XRCC5: variants seen among roughly 807,000 people sequenced by gnomAD.
XRCC5 encodes X-ray repair cross complementing 5.
A neutral mutation model predicts 95.7 loss-of-function variants in XRCC5; 12 were observed. The ratio of observed to expected loss-of-function variants is 0.13; its 90% confidence interval spans 0.08 to 0.20. The LOEUF (loss-of-function observed/expected upper bound fraction) is 0.20, where lower values mean the gene tolerates loss of function less well. Ranked by LOEUF, XRCC5 falls within the 10% of genes least tolerant of loss-of-function variation. XRCC5 has a pLI of 1.00. For synonymous variants in XRCC5, 281 were observed against 290.3 expected (o/e 0.97, Z 0.33); for missense variants, 595 against 873.9 (o/e 0.68, Z 4.02).
intron 13 of XRCC5, among the ~76,000 whole-genome samples, chr2:216,144,560 G>C (rs1283168939): frequency 1.3e-5 from 2 of 152,178 alleles, no homozygotes; most frequent in African/African-American, 4.8e-5. Flanking sequence ...AAGATAACAG[G>C]ATCCTAGCTT....
At chr2:216,128,755 A>G (rs828702) in intron 8 of XRCC5, among the ~76,000 whole-genome samples, 78,783 of 152,004 alleles carry the variant, frequency 0.52, 20,875 homozygotes, top group Non-Finnish European at 0.56. Flanking sequence ...CTTGAGGGTA[A>G]CATCTAATGG....
intron 16 of XRCC5, among the ~76,000 whole-genome samples, chr2:216,177,127 G>T (rs575024395): frequency 7.2e-5 from 11 of 152,264 alleles, no homozygotes; most frequent in African/African-American, 2.6e-4. Context: ...AGTCTGTTCT[G>T]CCAGTTGTTC....
Position 216,113,140 on chromosome 2 carries a change from G to T in XRCC5, c.135+11G>T, listed in dbSNP as rs776552591. ...TTTGTACAGCGACAGGTAAGTTTCA[G>T]ATTGACACTGAGCTTGTAACCCATG... On this transcript the variant is annotated intron_variant, in intron 2 of 20. Transcript: ENST00000392132. 6.2e-7 allele frequency: 1 copy of T among 1,605,140 alleles called. No homozygotes were observed. The highest frequency in any genetic ancestry group is 1.1e-5 in the South Asian group (1 of 90,758).
At chr2:216,194,371 T>G (rs7587831) in intron 18 of XRCC5, among the ~76,000 whole-genome samples, 31,648 of 152,164 alleles carry the variant, frequency 0.21, 4,769 homozygotes, top group African/African-American at 0.43. Flanking sequence ...TTATAAGACT[T>G]AGTGTCTGCC....
At chr2:216,164,439 C>G (rs897862116) in intron 16 of XRCC5, among the ~76,000 whole-genome samples, 13 of 152,248 alleles carry the variant, frequency 8.5e-5, no homozygotes, top group African/African-American at 3.1e-4. Context: ...ATTAGCAGTT[C>G]TGCAAAATCT....
At chr2:216,138,504 C>CCTGT (rs1157406160) in intron 12 of XRCC5, among the ~76,000 whole-genome samples, 1 of 152,192 alleles carries the variant, frequency 6.6e-6, no homozygotes, top group African/African-American at 2.4e-5. Flanking sequence ...CAGTATCAAA[C>CCTGT]CTGTGACTTT....
chr2:216,169,696 T>A (rs1689119244), intron 16 of XRCC5, among the ~76,000 whole-genome samples: 1 of 152,050 alleles, frequency 6.6e-6, no homozygotes, highest in African/African-American at 2.4e-5. Flanking sequence ...TTATGATACC[T>A]ATTTTAAAAT....
intron 19 of XRCC5, among the ~76,000 whole-genome samples, chr2:216,196,636 G>A (rs1689726351): frequency 6.6e-6 from 1 of 152,192 alleles, no homozygotes; most frequent in Admixed American, 6.5e-5. Context: ...GGACAGGCTA[G>A]CAGGCTGGAA....
At chr2:216,132,593 A>G (rs928335699) in intron 10 of XRCC5, among the ~76,000 whole-genome samples, 1 of 152,234 alleles carries the variant, frequency 6.6e-6, no homozygotes, top group African/African-American at 2.4e-5. Flanking sequence ...ATGGAGACCA[A>G]GGAAGTATTA....
chr2:216,191,451 G>A (rs1042989815), intron 17 of XRCC5, among the ~76,000 whole-genome samples: 18 of 147,794 alleles, frequency 1.2e-4, no homozygotes, highest in African/African-American at 4.0e-4. Flanking sequence ...CACTCTTGTC[G>A]CCCAGGCTGG....
intron 19 of XRCC5, among the ~76,000 whole-genome samples, chr2:216,197,044 T>G (rs1304147040): frequency 6.6e-6 from 1 of 152,208 alleles, no homozygotes; most frequent in East Asian, 1.9e-4. Flanking sequence ...AAGCTTGTGT[T>G]TCCTGCCAGC....
intron 2 of XRCC5, among the ~76,000 whole-genome samples, chr2:216,114,674 A>G (rs767976571): frequency 2.0e-4 from 30 of 152,222 alleles, no homozygotes; most frequent in Non-Finnish European, 3.1e-4. Context: ...GTAAGGTAAT[A>G]AGTGGCCATG....
chr2:216,154,656 CAGAG>C (rs978304241), intron 14 of XRCC5, among the ~76,000 whole-genome samples: 2 of 152,184 alleles, frequency 1.3e-5, no homozygotes, highest in African/African-American at 2.4e-5. Context: ...GTGTGAAAGA[CAGAG>C]AGTGCAGTGA....
chr2:216,168,426 A>C (rs1308342527), intron 16 of XRCC5, among the ~76,000 whole-genome samples: 2 of 152,206 alleles, frequency 1.3e-5, no homozygotes, highest in African/African-American at 4.8e-5. Context: ...TGAAAAGAAA[A>C]AATAAAAAGC....
chr2:216,115,014 C>A (rs987313140), intron 2 of XRCC5, among the ~76,000 whole-genome samples: 11 of 148,970 alleles, frequency 7.4e-5, no homozygotes, highest in African/African-American at 2.9e-4. Context: ...GGGGGCGGGG[C>A]GGTCTAAAAA....
At chr2:216,183,694 T>C (rs1689436004) in intron 16 of XRCC5, among the ~76,000 whole-genome samples, 1 of 152,092 alleles carries the variant, frequency 6.6e-6, no homozygotes, top group Non-Finnish European at 1.5e-5. Flanking sequence ...TTTTGTTAGA[T>C]TGAGGAAGTT....
chr2:216,191,140 G>A (rs1689606101), intron 17 of XRCC5, among the ~76,000 whole-genome samples: 1 of 152,206 alleles, frequency 6.6e-6, no homozygotes, highest in Non-Finnish European at 1.5e-5. Flanking sequence ...TAGAAAAGTA[G>A]AGTCAGGACA....
chr2:216,172,194 TC>T (rs1487781742), intron 16 of XRCC5, among the ~76,000 whole-genome samples: 2 of 152,204 alleles, frequency 1.3e-5, no homozygotes, highest in Non-Finnish European at 2.9e-5. Context: ...GGTGGAACAT[TC>T]TATAGATACC....
In XRCC5 at chr2:216,202,212, C is replaced by T. The variant is rs187237149; in HGVS notation, c.2110-2110C>T. On this transcript the variant is annotated intron_variant, in intron 19 of 20. Transcript: ENST00000392132. ...AAGATACCAGTCATTTGTGGCCCTA[C>T]AGAGATTTATGGCAGGATGCAGCTC... 3.2e-4 allele frequency among the ~76,000 whole-genome samples: 49 copies of T among 152,314 alleles called. No individual in the cohort carries two copies. In the East Asian group the frequency reaches 6.8e-3, roughly 21 times the overall value.
Sources: allele counts gnomAD v4.1 joint callset (sites outside exome capture counted in the v4.1 genomes callset), GRCh38; gene constraint gnomAD v4.1.1; transcripts MANE v1.5; gene names NCBI Gene and HGNC (gene_info 2026-07-23, HGNC 2026-07-21).